Variants in ASTN2 observed in about 807,000 individuals in gnomAD.
ASTN2 encodes the protein astrotactin-2.
A neutral mutation model predicts 139.8 loss-of-function variants in ASTN2; 54 were observed. That is an observed-to-expected ratio of 0.39 (90% CI 0.31 to 0.48). The LOEUF is 0.48. Among genes scored for constraint, ASTN2 ranks in the 20% least tolerant of loss-of-function variants. The pLI is 0.95. For missense variants in ASTN2, 1,565 were observed against 1,725.1 expected, an observed-to-expected ratio of 0.91 and a Z score of 1.64; for synonymous variants, 756 against 719.5, an observed-to-expected ratio of 1.05 and a Z score of -0.81.
intron 1 of ASTN2, among the ~76,000 whole-genome samples, chr9:117,314,662 TTA>T (rs940837693): frequency 6.8e-6 from 1 of 146,384 alleles, no homozygotes; most frequent in East Asian, 1.9e-4. Context: ...ATATGTATAA[TTA>T]TATATGATAT....
chr9:117,139,099 A>G (rs4090221), intron 4 of ASTN2, among the ~76,000 whole-genome samples: 31,135 of 152,166 alleles, frequency 0.2, 3,642 homozygotes, highest in Middle Eastern at 0.33. Flanking sequence ...TGGAATATGT[A>G]TGTGTGGAGA....
intron 22 of ASTN2, among the ~76,000 whole-genome samples, chr9:116,439,868 C>A (rs1045037889): frequency 2.6e-5 from 4 of 152,182 alleles, no homozygotes; most frequent in African/African-American, 9.6e-5. Flanking sequence ...TACATAACTG[C>A]CTGTTTATGC....
At chr9:116,697,066 T>G (rs1445798896) in intron 16 of ASTN2, among the ~76,000 whole-genome samples, 1 of 152,166 alleles carries the variant, frequency 6.6e-6, no homozygotes, top group Non-Finnish European at 1.5e-5. Flanking sequence ...AAACTGCTTT[T>G]GGGAAGCCTT....
rs556536364 is a variant in ASTN2 at position 116,952,611 on chromosome 9, G to A, written c.1889+22597C>T. Among the ~76,000 whole-genome samples the A allele has an allele frequency of 3.3e-5, 5 of 152,312 alleles. No individual in the cohort carries two copies. The East Asian group carries it at 9.7e-4, about 29-fold the overall frequency. The stretch of plus-strand genomic sequence containing the variant: ...ATGACATGGGCAGCGTGACATGCAG[G>A]GTAATGAATTGCCGTCTTTGCAGAA... On this transcript the variant is annotated intron_variant, in intron 10 of 22. Coordinates refer to ENST00000313400, the MANE Select transcript of ASTN2 (RefSeq NM_001365068.1).
At chr9:116,712,722 C>A (rs539845867) in intron 16 of ASTN2, among the ~76,000 whole-genome samples, 1 of 152,138 alleles carries the variant, frequency 6.6e-6, no homozygotes, top group Non-Finnish European at 1.5e-5. Flanking sequence ...TTGAAAGTTG[C>A]GTTCCTTTCT....
intron 4 of ASTN2, among the ~76,000 whole-genome samples, chr9:117,115,129 T>C (rs141972288): frequency 1.7e-3 from 253 of 152,318 alleles, no homozygotes; most frequent in African/African-American, 5.7e-3. Context: ...TGGGGTAATT[T>C]TGTATACAGC....
intron 12 of ASTN2, 55 bp from the exon 13 acceptor site, chr9:116,805,875 G>T (rs1831017180): frequency 6.4e-7 from 1 of 1,567,930 alleles, no homozygotes; most frequent in Non-Finnish European, 8.7e-7. Context: ...GCCCCCATTG[G>T]GGGTGACCTA....
chr9:117,244,108 T>C (rs1166070618), intron 2 of ASTN2, among the ~76,000 whole-genome samples: 1 of 152,112 alleles, frequency 6.6e-6, no homozygotes, highest in African/African-American at 2.4e-5. Context: ...ACTCATGCTC[T>C]CTCTCACCTG....
At chr9:117,238,994 G>A (rs1833128855) in intron 2 of ASTN2, among the ~76,000 whole-genome samples, 1 of 152,128 alleles carries the variant, frequency 6.6e-6, no homozygotes, top group South Asian at 2.1e-4. Context: ...GATCAGCCAG[G>A]CAGCATGTTC....
At chr9:116,506,423 C>T (rs2119162884) in intron 19 of ASTN2, among the ~76,000 whole-genome samples, 1 of 152,334 alleles carries the variant, frequency 6.6e-6, no homozygotes, top group Admixed American at 6.5e-5. Flanking sequence ...CACCTCCAAG[C>T]ATGCCCTGGG....
intron 16 of ASTN2, among the ~76,000 whole-genome samples, chr9:116,712,477 C>T (rs72763936): frequency 0.026 from 3,992 of 152,250 alleles, 60 homozygotes; most frequent in Non-Finnish European, 0.035. Context: ...ATAGTAGGCA[C>T]TATAATTGTT....
At chr9:116,608,950 A>G (rs1371934636) in intron 19 of ASTN2, among the ~76,000 whole-genome samples, 1 of 152,192 alleles carries the variant, frequency 6.6e-6, no homozygotes. Flanking sequence ...ACAATGTCCA[A>G]GACGAAAAAT....
intron 1 of ASTN2, among the ~76,000 whole-genome samples, chr9:117,319,042 C>A (rs752758075): frequency 2.0e-5 from 3 of 152,152 alleles, no homozygotes; most frequent in Admixed American, 1.3e-4. Context: ...GGGAAAAATT[C>A]CTTCTCTTCC....
chr9:116,604,494 C>T (rs1855085304), intron 19 of ASTN2, among the ~76,000 whole-genome samples: 1 of 152,140 alleles, frequency 6.6e-6, no homozygotes, highest in Non-Finnish European at 1.5e-5. Context: ...AGCCTAGTTT[C>T]CAATGACATC....
At chr9:116,818,131 T>C (rs985519665) in intron 12 of ASTN2, among the ~76,000 whole-genome samples, 1 of 152,206 alleles carries the variant, frequency 6.6e-6, no homozygotes, top group Admixed American at 6.5e-5. Flanking sequence ...AATGAGCTAA[T>C]GTACCCAAAG....
At chr9:117,009,949 G>A in intron 6 of ASTN2, among the ~76,000 whole-genome samples, 1 of 152,154 alleles carries the variant, frequency 6.6e-6, no homozygotes, top group South Asian at 2.1e-4. Context: ...CCTGGAAATA[G>A]TAAGGGTATG....
At chr9:116,431,814 CAGG>C (rs1400833471) in intron 22 of ASTN2, among the ~76,000 whole-genome samples, 1 of 152,150 alleles carries the variant, frequency 6.6e-6, no homozygotes, top group Non-Finnish European at 1.5e-5. Context: ...ACCAGGGTGA[CAGG>C]AGGATAGGGC....
At chr9:117,303,874 C>T (rs1834936039) in intron 1 of ASTN2, among the ~76,000 whole-genome samples, 1 of 152,216 alleles carries the variant, frequency 6.6e-6, no homozygotes, top group African/African-American at 2.4e-5. Flanking sequence ...GAAAGTGACA[C>T]ACTCAGAGAT....
intron 19 of ASTN2, among the ~76,000 whole-genome samples, chr9:116,525,983 T>C (rs527641843): frequency 1.3e-5 from 2 of 152,300 alleles, no homozygotes; most frequent in African/African-American, 4.8e-5. Context: ...CATTTCACCT[T>C]ATCCTCTTGC....
Sources: allele counts gnomAD v4.1 joint callset (sites outside exome capture counted in the v4.1 genomes callset), GRCh38; gene constraint gnomAD v4.1.1; transcripts MANE v1.5; gene names NCBI Gene and HGNC (gene_info 2026-07-23, HGNC 2026-07-21).